Variants in HS3ST4 observed in about 807,000 individuals in gnomAD.
HS3ST4 encodes heparan sulfate glucosamine 3-O-sulfotransferase 4.
Under a neutral mutation model 29.2 loss-of-function variants are expected in HS3ST4, and 17 were observed. That is an observed-to-expected ratio of 0.58 (90% CI 0.40 to 0.87). HS3ST4 has a LOEUF of 0.87. HS3ST4 is among the 40% of genes least tolerant of loss of function. The probability of loss-of-function intolerance (pLI) is 0.00; values close to 1 mark genes in which losing one functional copy is unlikely to be tolerated. For synonymous variants in HS3ST4, 314 were observed against 285.7 expected (o/e 1.10, Z -1.00); for missense variants, 627 against 634.5 (o/e 0.99, Z 0.13).
intron 1 of HS3ST4, among the ~76,000 whole-genome samples, chr16:26,057,088 G>C (rs987100304): frequency 5.9e-5 from 9 of 152,132 alleles, no homozygotes; most frequent in Non-Finnish European, 1.0e-4. Flanking sequence ...AGCACTTTTG[G>C]ATTTTGGATT....
At chr16:25,747,676 G>T (rs1966693449) in intron 1 of HS3ST4, among the ~76,000 whole-genome samples, 1 of 152,194 alleles carries the variant, frequency 6.6e-6, no homozygotes. Context: ...CAATGTCTGT[G>T]CTCTCAGTCC....
At chr16:25,908,273 T>C (rs1490353132) in intron 1 of HS3ST4, among the ~76,000 whole-genome samples, 1 of 152,202 alleles carries the variant, frequency 6.6e-6, no homozygotes, top group East Asian at 1.9e-4. Context: ...GAGTGATGTA[T>C]TTTCTAGCAG....
intron 1 of HS3ST4, among the ~76,000 whole-genome samples, chr16:25,963,014 A>G (rs1968809704): frequency 6.6e-6 from 1 of 152,188 alleles, no homozygotes. Flanking sequence ...TTATATCAAA[A>G]CGAAGAGAAT....
intron 1 of HS3ST4, among the ~76,000 whole-genome samples, chr16:25,734,878 G>T (rs1360401654): frequency 6.6e-6 from 1 of 152,208 alleles, no homozygotes; most frequent in Admixed American, 6.5e-5. Flanking sequence ...CACTGGCCCA[G>T]GGGAGTTTTC....
chr16:25,815,584 C>G (rs1567245972), intron 1 of HS3ST4, among the ~76,000 whole-genome samples: 1 of 152,128 alleles, frequency 6.6e-6, no homozygotes, highest in Admixed American at 6.6e-5. Flanking sequence ...TGACCCCCCA[C>G]AGTGCTGGGA....
At chr16:25,923,692 T>C (rs369581441) in intron 1 of HS3ST4, among the ~76,000 whole-genome samples, 2 of 152,208 alleles carry the variant, frequency 1.3e-5, no homozygotes, top group African/African-American at 2.4e-5. Flanking sequence ...GGCAGGCCAT[T>C]GTCCCCTCTC....
chr16:25,960,837 C>A (rs141449443), intron 1 of HS3ST4, among the ~76,000 whole-genome samples: 184 of 152,264 alleles, frequency 1.2e-3, no homozygotes, highest in Non-Finnish European at 2.1e-3. Context: ...TCTTTATGTG[C>A]TCTTGAAGGA....
chr16:25,995,800 C>G (rs988441853), intron 1 of HS3ST4, among the ~76,000 whole-genome samples: 1 of 152,098 alleles, frequency 6.6e-6, no homozygotes, highest in South Asian at 2.1e-4. Context: ...CACATACTTA[C>G]TCTGGTTGTC....
chr16:25,803,427 C>T (rs995026014), intron 1 of HS3ST4, among the ~76,000 whole-genome samples: 1 of 152,054 alleles, frequency 6.6e-6, no homozygotes, highest in Non-Finnish European at 1.5e-5. Context: ...CTTTGTTGTT[C>T]GTTGATCTGA....
At chr16:25,870,507 C>G (rs1477953703) in intron 1 of HS3ST4, among the ~76,000 whole-genome samples, 1 of 151,920 alleles carries the variant, frequency 6.6e-6, no homozygotes, top group Non-Finnish European at 1.5e-5. Flanking sequence ...ACAGAAGGAA[C>G]AGCAAATGGG....
chr16:25,844,908 G>A (rs959016699), intron 1 of HS3ST4, among the ~76,000 whole-genome samples: 3 of 152,188 alleles, frequency 2.0e-5, no homozygotes, highest in African/African-American at 7.2e-5. Context: ...GGACATGGAT[G>A]AAGGTGAAAG....
At chr16:26,108,653 GATTA>G (rs772272661) in intron 1 of HS3ST4, among the ~76,000 whole-genome samples, 25 of 152,134 alleles carry the variant, frequency 1.6e-4, no homozygotes, top group Non-Finnish European at 3.1e-4. Context: ...TCATTTTAAG[GATTA>G]ATTGAGTTTA....
chr16:25,736,257 C>T (rs925127619), intron 1 of HS3ST4, among the ~76,000 whole-genome samples: 1 of 152,154 alleles, frequency 6.6e-6, no homozygotes, highest in African/African-American at 2.4e-5. Flanking sequence ...CTATGACCAC[C>T]CTTTGTCATC....
intron 1 of HS3ST4, among the ~76,000 whole-genome samples, chr16:25,786,389 G>A (rs1261608124): frequency 1.3e-5 from 2 of 152,168 alleles, no homozygotes; most frequent in East Asian, 3.9e-4. Context: ...TGCCTTAAAG[G>A]GTTGAGAGGA....
intron 1 of HS3ST4, among the ~76,000 whole-genome samples, chr16:26,086,854 C>T (rs1371190254): frequency 1.3e-5 from 2 of 152,168 alleles, no homozygotes; most frequent in African/African-American, 4.8e-5. Context: ...TCTGTATTTT[C>T]TGACAACCTG....
At chr16:25,753,143 A>G (rs538538577) in intron 1 of HS3ST4, among the ~76,000 whole-genome samples, 4 of 152,310 alleles carry the variant, frequency 2.6e-5, no homozygotes, top group Admixed American at 6.5e-5. Context: ...CTGTCCTGGC[A>G]TGGGTTGCTT....
At chr16:26,018,432 C>T (rs1969381250) in intron 1 of HS3ST4, among the ~76,000 whole-genome samples, 1 of 152,134 alleles carries the variant, frequency 6.6e-6, no homozygotes, top group Non-Finnish European at 1.5e-5. Flanking sequence ...TTCAGTCATG[C>T]AACGAACATT....
intron 1 of HS3ST4, among the ~76,000 whole-genome samples, chr16:25,944,839 C>A (rs969380542): frequency 2.0e-5 from 3 of 152,190 alleles, no homozygotes; most frequent in Non-Finnish European, 2.9e-5. Flanking sequence ...GAAGCCTCAG[C>A]CAGGCGTCTG....
chr16:25,802,721 G>A (rs1419290769), intron 1 of HS3ST4, among the ~76,000 whole-genome samples: 1 of 152,010 alleles, frequency 6.6e-6, no homozygotes, highest in African/African-American at 2.4e-5. Context: ...TAGGGACATG[G>A]CTTGTTTAGC....
Sources: allele counts gnomAD v4.1 joint callset (sites outside exome capture counted in the v4.1 genomes callset), GRCh38; gene constraint gnomAD v4.1.1; transcripts MANE v1.5; gene names NCBI Gene and HGNC (gene_info 2026-07-23, HGNC 2026-07-21).